MAML3: variants seen among roughly 807,000 people sequenced by gnomAD.
The protein encoded by MAML3 is mastermind-like protein 3.
A neutral mutation model predicts 101.9 loss-of-function variants in MAML3; 27 were observed. The ratio of observed to expected loss-of-function variants is 0.27; its 90% CI spans 0.20 to 0.37. The LOEUF is 0.37. Among genes scored for constraint, MAML3 ranks in the 10% least tolerant of loss-of-function variants. The pLI is 1.00. For synonymous variants in MAML3, 501 were observed against 555.9 expected (o/e 0.90, Z 1.39); for missense variants, 1,316 against 1,444.9 (o/e 0.91, Z 1.45).
intron 1 of MAML3, among the ~76,000 whole-genome samples, chr4:140,052,031 C>A (rs1727277522): frequency 6.6e-6 from 1 of 152,138 alleles, no homozygotes; most frequent in Non-Finnish European, 1.5e-5. Context: ...TATTTCCATT[C>A]TTCTTTAAGT....
At chr4:139,968,903 C>G (rs1318438805) in intron 1 of MAML3, among the ~76,000 whole-genome samples, 1 of 152,052 alleles carries the variant, frequency 6.6e-6, no homozygotes, top group Non-Finnish European at 1.5e-5. Flanking sequence ...ATTTTCCAGT[C>G]CCAGGGTAGC....
chr4:139,829,198 AGGAG>A (rs1010974242), intron 2 of MAML3, among the ~76,000 whole-genome samples: 1 of 148,602 alleles, frequency 6.7e-6, no homozygotes, highest in African/African-American at 2.5e-5. Context: ...AAAGAAAGGA[AGGAG>A]GGAGGAAGGA....
chr4:139,849,825 A>C (rs984260262), intron 2 of MAML3, among the ~76,000 whole-genome samples: 3 of 152,242 alleles, frequency 2.0e-5, no homozygotes, highest in Admixed American at 6.5e-5. Flanking sequence ...AATGTTACAT[A>C]AAATTCTGAA....
At chr4:140,084,794 G>T (rs1464346774) in intron 1 of MAML3, among the ~76,000 whole-genome samples, 1 of 152,150 alleles carries the variant, frequency 6.6e-6, no homozygotes, top group Non-Finnish European at 1.5e-5. Context: ...AACCTACTTT[G>T]AGGACTAACA....
At chr4:139,946,415 G>A (rs1733727597) in intron 1 of MAML3, among the ~76,000 whole-genome samples, 2 of 152,070 alleles carry the variant, frequency 1.3e-5, no homozygotes, top group African/African-American at 4.8e-5. Flanking sequence ...TCTGTATAAC[G>A]AGCCTGACAA....
chr4:140,025,118 G>A (rs1302183202), intron 1 of MAML3, among the ~76,000 whole-genome samples: 1 of 152,168 alleles, frequency 6.6e-6, no homozygotes, highest in African/African-American at 2.4e-5. Context: ...TGTAATGTGT[G>A]GACTTTGTCG....
intron 3 of MAML3, among the ~76,000 whole-genome samples, chr4:139,728,598 CT>C (rs1728571531): frequency 6.6e-6 from 1 of 152,188 alleles, no homozygotes; most frequent in Non-Finnish European, 1.5e-5. Context: ...TGATCCTCCC[CT>C]CATCCCTCAT....
At chr4:139,992,791 T>C (rs1734705063) in intron 1 of MAML3, among the ~76,000 whole-genome samples, 1 of 152,138 alleles carries the variant, frequency 6.6e-6, no homozygotes, top group South Asian at 2.1e-4. Flanking sequence ...TCTCTTGACC[T>C]TGTGATCTCC....
At chr4:139,778,671 G>T (rs1001103501) in intron 2 of MAML3, among the ~76,000 whole-genome samples, 1 of 152,128 alleles carries the variant, frequency 6.6e-6, no homozygotes, top group African/African-American at 2.4e-5. Flanking sequence ...GGCCCTTGTG[G>T]TTCCACGTTC....
At chr4:139,774,508 C>G (rs1194297928) in intron 2 of MAML3, among the ~76,000 whole-genome samples, 1 of 152,184 alleles carries the variant, frequency 6.6e-6, no homozygotes, top group Non-Finnish European at 1.5e-5. Context: ...TCCTATAGCC[C>G]ACTTCTAAGA....
chr4:139,724,459 A>G (rs962307726), intron 4 of MAML3, among the ~76,000 whole-genome samples: 9 of 152,184 alleles, frequency 5.9e-5, no homozygotes, highest in African/African-American at 2.2e-4. Context: ...TAAAAATGCT[A>G]CCTTAGATCA....
rs563887564 is a variant in MAML3, at chr4:139,826,913, C to T, written c.2079+62444G>A. ...TCTCATACAAGATAGGGAAACTAAA[C>T]GCGCCACTGCAAATGAAATAAAATA... On this transcript the variant is annotated intron_variant, in intron 2 of 4. Transcript: ENST00000509479. 2.6e-4 allele frequency among the ~76,000 whole-genome samples: 36 copies of T among 137,284 alleles called. No individual in the cohort carries two copies. The South Asian group carries it at 7.8e-3, about 30-fold the overall frequency. The allele number at this position is 137,284 out of a possible 152,430, so 90.1% of individuals were successfully genotyped here. A position where few individuals can be genotyped will look rare whatever the true frequency, so the allele number is the denominator to read the frequency against.
intron 1 of MAML3, among the ~76,000 whole-genome samples, chr4:140,053,819 C>T (rs1250211172): frequency 6.6e-6 from 1 of 152,126 alleles, no homozygotes; most frequent in Non-Finnish European, 1.5e-5. Context: ...CTTTCACATG[C>T]CATGAAACAT....
chr4:140,108,312 C>T (rs560000672), intron 1 of MAML3, among the ~76,000 whole-genome samples: 18 of 152,064 alleles, frequency 1.2e-4, no homozygotes, highest in South Asian at 6.3e-4. Context: ...TCCCCTGCTT[C>T]GTGCTCCCCA....
intron 1 of MAML3, among the ~76,000 whole-genome samples, chr4:140,005,550 A>G (rs1027923015): frequency 6.6e-6 from 1 of 152,228 alleles, no homozygotes; most frequent in South Asian, 2.1e-4. Flanking sequence ...GATTGGAAAA[A>G]TATTTCAATA....
chr4:139,720,393 A>G, intron 4 of MAML3, 70 bp from the exon 5 acceptor site: 1 of 1,402,496 alleles, frequency 7.1e-7, no homozygotes, highest in Non-Finnish European at 9.4e-7. Flanking sequence ...AAGATGTTGG[A>G]ATTTTCTTTG....
intron 2 of MAML3, among the ~76,000 whole-genome samples, chr4:139,852,222 T>C (rs997770106): frequency 6.6e-6 from 1 of 152,142 alleles, no homozygotes; most frequent in Non-Finnish European, 1.5e-5. Flanking sequence ...TTGCAGGGCA[T>C]AGCAATTTTG....
intron 1 of MAML3, among the ~76,000 whole-genome samples, chr4:139,907,622 G>T (rs1341500156): frequency 6.6e-6 from 1 of 152,114 alleles, no homozygotes; most frequent in African/African-American, 2.4e-5. Context: ...ATGGCCCATT[G>T]GGTGTCAGGT....
rs767295026 is a variant in MAML3 at position 139,925,848 on chromosome 4, A to G, written c.469-34881T>C. 2.9e-4 allele frequency among the ~76,000 whole-genome samples: 44 copies of G among 152,218 alleles called. 1 individual carries two copies. Among genetic ancestry groups the G allele is most frequent in the Non-Finnish European group, 8.8e-5 (6 of 68,040 alleles). On this transcript the variant is annotated intron_variant, in intron 1 of 4. Coordinates refer to ENST00000509479, the MANE Select transcript of MAML3 (RefSeq NM_018717.5). ...TTCACTAGAAAAGAAGAATGCATAG[A>G]AGGCAAAGGAAGTGAAGGGTGTCAG...
Sources: allele counts gnomAD v4.1 joint callset (sites outside exome capture counted in the v4.1 genomes callset), GRCh38; gene constraint gnomAD v4.1.1; transcripts MANE v1.5; gene names NCBI Gene and HGNC (gene_info 2026-07-23, HGNC 2026-07-21).